GPHN: variants seen among roughly 807,000 people sequenced by gnomAD.
The protein encoded by GPHN is gephyrin.
Under a neutral mutation model 95.5 loss-of-function variants are expected in GPHN, and 17 were observed. The observed-to-expected ratio is 0.18, with a 90% CI of 0.12 to 0.27. The LOEUF is 0.27. Ranked by LOEUF, GPHN falls within the 10% of genes least tolerant of loss-of-function variation. The pLI, the probability that GPHN is intolerant of heterozygous loss-of-function variation, is 1.00. For synonymous variants in GPHN, 320 were observed against 322.5 expected (o/e 0.99, Z 0.08); for missense variants, 660 against 978.1 (o/e 0.67, Z 4.34).
At chr14:67,729,355 G>C in the GPHN span, 1 of 1,598,112 alleles carries the variant, frequency 6.3e-7, no homozygotes, top group Non-Finnish European at 8.5e-7. Context: ...TGAGGGCCTG[G>C]AGCCCCTGAG....
At chr14:66,907,919 T>C (rs1287555228) in intron 5 of GPHN, among the ~76,000 whole-genome samples, 1 of 152,006 alleles carries the variant, frequency 6.6e-6, no homozygotes, top group African/African-American at 2.4e-5. Flanking sequence ...GCTAGAATGA[T>C]CCATGTGATC....
chr14:67,110,863 T>A (rs1481343935), intron 14 of GPHN, among the ~76,000 whole-genome samples: 1 of 152,184 alleles, frequency 6.6e-6, no homozygotes, highest in Non-Finnish European at 1.5e-5. Context: ...CAGTTCTCCC[T>A]CCATTGCCTC....
the GPHN span, chr14:67,663,090 T>C: frequency 6.7e-7 from 1 of 1,494,638 alleles, no homozygotes; most frequent in Non-Finnish European, 8.9e-7. Flanking sequence ...GCACCGGCAA[T>C]GACTTGAACG....
the GPHN span, among the ~76,000 whole-genome samples, chr14:67,532,805 G>C: frequency 6.6e-6 from 1 of 152,230 alleles, no homozygotes. Flanking sequence ...CAAATATCCA[G>C]ACGTTACAGT....
At chr14:67,584,372 T>C in the GPHN span, among the ~76,000 whole-genome samples, 1 of 152,220 alleles carries the variant, frequency 6.6e-6, no homozygotes, top group Non-Finnish European at 1.5e-5. Flanking sequence ...CACACAAAGA[T>C]TCAGACTTGA....
chr14:67,610,986 C>T, the GPHN span: 148 of 154,014 alleles, frequency 9.6e-4, 1 homozygote, highest in Middle Eastern at 0.013. Context: ...ATACCTGTGC[C>T]ACTTGCTCAT....
the GPHN span, among the ~76,000 whole-genome samples, chr14:67,694,469 T>TAC: frequency 3.1e-5 from 4 of 130,396 alleles, no homozygotes; most frequent in Non-Finnish European, 5.2e-5. Context: ...CACACACATA[T>TAC]ATATATATAC....
At chr14:66,593,151 G>T (rs1399946144) in intron 1 of GPHN, among the ~76,000 whole-genome samples, 2 of 152,122 alleles carry the variant, frequency 1.3e-5, no homozygotes, top group African/African-American at 4.8e-5. Context: ...CCTGTCTGGG[G>T]GTTGTGGGCT....
chr14:66,957,409 T>C (rs756550992), intron 8 of GPHN, among the ~76,000 whole-genome samples: 3 of 151,962 alleles, frequency 2.0e-5, no homozygotes, highest in African/African-American at 4.8e-5. Flanking sequence ...TTGACCAGGC[T>C]GGTCTTGAGC....
chr14:66,702,264 G>A (rs2068623090), intron 2 of GPHN, among the ~76,000 whole-genome samples: 2 of 152,194 alleles, frequency 1.3e-5, no homozygotes, highest in East Asian at 3.9e-4. Flanking sequence ...TTTTCCCCCA[G>A]TGAAGCACAG....
the GPHN span, among the ~76,000 whole-genome samples, chr14:67,611,590 C>T: frequency 1.2e-3 from 175 of 152,164 alleles, 2 homozygotes; most frequent in African/African-American, 4.1e-3. Flanking sequence ...AATTGTATCA[C>T]TGGTAAACTG....
intron 9 of GPHN, among the ~76,000 whole-genome samples, chr14:66,983,614 A>G (rs1594725807): frequency 6.6e-6 from 1 of 152,198 alleles, no homozygotes; most frequent in Non-Finnish European, 1.5e-5. Context: ...AGGCTTGTTT[A>G]TAGAAATTTG....
chr14:67,390,119 T>C, the GPHN span, among the ~76,000 whole-genome samples: 1 of 152,238 alleles, frequency 6.6e-6, no homozygotes, highest in Non-Finnish European at 1.5e-5. Context: ...TGGAATTAGA[T>C]CCACTTAGCA....
chr14:67,268,548 G>A, the GPHN span, among the ~76,000 whole-genome samples: 1 of 152,218 alleles, frequency 6.6e-6, no homozygotes, highest in Non-Finnish European at 1.5e-5. Flanking sequence ...GGAAAGGGAT[G>A]GGCAATTCGC....
chr14:66,652,037 G>A (rs60937187), intron 1 of GPHN, among the ~76,000 whole-genome samples: 10,268 of 152,042 alleles, frequency 0.068, 848 homozygotes, highest in African/African-American at 0.19. Context: ...CATGAAACTA[G>A]TCCCTGGCGC....
At chr14:67,067,288 A>G (rs148922148) in intron 11 of GPHN, among the ~76,000 whole-genome samples, 132 of 152,250 alleles carry the variant, frequency 8.7e-4, no homozygotes, top group Middle Eastern at 3.4e-3. Flanking sequence ...ATATTGCATA[A>G]CAGCAAATAT....
intron 18 of GPHN, among the ~76,000 whole-genome samples, chr14:67,154,680 C>A (rs1335665774): frequency 1.3e-5 from 2 of 151,872 alleles, no homozygotes; most frequent in African/African-American, 4.8e-5. Context: ...ACAAAGGATA[C>A]ATATCAGCTA....
chr14:67,479,880 A>T, the GPHN span, among the ~76,000 whole-genome samples: 1 of 152,160 alleles, frequency 6.6e-6, no homozygotes, highest in Non-Finnish European at 1.5e-5. Context: ...TCCAACAACA[A>T]ACCATGCCTC....
rs1406886803 is a variant in GPHN, at chr14:67,144,249, AAATATATATATATAT to A, written c.1836+802_1836+816del. On this transcript the variant is annotated intron_variant, in intron 18 of 22. Coordinates refer to ENST00000478722, the MANE Select transcript of GPHN (RefSeq NM_020806.5). The stretch of plus-strand genomic sequence containing the variant: ...AAGACCCTGTCTTAAAAAAAAAAAA[AAATATATATATATAT>A]ATATATATATATATATATATATACA... Among the ~76,000 whole-genome samples the A allele has an allele frequency of 1.2e-4, 8 of 68,948 alleles. 1 individual carries two copies. The highest frequency in any genetic ancestry group is 2.0e-4 in the Admixed American group (1 of 4,918). 45.2% of individuals were successfully genotyped at this position (68,948 alleles called of 152,430 possible).
Sources: gnomAD v4.1 joint callset for allele counts (sites outside exome capture counted in the v4.1 genomes callset) on GRCh38, gnomAD v4.1.1 for gene constraint, MANE v1.5 for transcripts, NCBI Gene and HGNC (gene_info 2026-07-23, HGNC 2026-07-21) for gene names.